DGKB: variants seen among roughly 807,000 people sequenced by gnomAD.
DGKB encodes the protein diacylglycerol kinase beta.
In DGKB, 67 loss-of-function variants were observed where a neutral mutation model predicts 114.3. That is an observed-to-expected ratio of 0.59 (90% CI 0.48 to 0.72). The LOEUF is 0.72. Among genes scored for constraint, DGKB ranks in the 30% least tolerant of loss-of-function variants. DGKB has a pLI of 0.00. For missense variants in DGKB, 907 were observed against 975.2 expected (o/e 0.93, Z 0.93); for synonymous variants, 398 against 323.1 (o/e 1.23, Z -2.49).
intron 1 of DGKB, among the ~76,000 whole-genome samples, chr7:14,853,653 G>T (rs551635080): frequency 1.3e-5 from 2 of 151,562 alleles, no homozygotes; most frequent in Non-Finnish European, 2.9e-5. Context: ...TCAGGACATC[G>T]AGACCATCCT....
chr7:14,522,471 C>T (rs977520321), intron 20 of DGKB, among the ~76,000 whole-genome samples: 9 of 152,154 alleles, frequency 5.9e-5, no homozygotes, highest in East Asian at 1.9e-4. Context: ...CTCATACTAA[C>T]GAAATTGCCA....
chr7:14,618,718 T>C (rs957819718), intron 15 of DGKB, among the ~76,000 whole-genome samples: 5 of 151,518 alleles, frequency 3.3e-5, no homozygotes, highest in African/African-American at 4.8e-5. Flanking sequence ...GATCTATTAC[T>C]TCCTCTAATT....
At chr7:14,651,202 A>T (rs1321171091) in intron 13 of DGKB, among the ~76,000 whole-genome samples, 1 of 152,174 alleles carries the variant, frequency 6.6e-6, no homozygotes, top group Non-Finnish European at 1.5e-5. Context: ...AAAAAAAGAG[A>T]ATTTTAGACC....
intron 21 of DGKB, among the ~76,000 whole-genome samples, chr7:14,350,640 T>A (rs1253021004): frequency 6.6e-6 from 1 of 151,572 alleles, no homozygotes; most frequent in Non-Finnish European, 1.5e-5. Context: ...TTATTTTTCA[T>A]GTATTTAGTG....
chr7:14,538,942 T>C (rs1333050706), intron 20 of DGKB, among the ~76,000 whole-genome samples: 3 of 152,024 alleles, frequency 2.0e-5, no homozygotes, highest in Non-Finnish European at 2.9e-5. Context: ...TGTATAGAAA[T>C]AGATAGTAAA....
chr7:14,404,335 CT>C (rs1451824256), intron 21 of DGKB, among the ~76,000 whole-genome samples: 53 of 151,622 alleles, frequency 3.5e-4, no homozygotes, highest in Middle Eastern at 3.4e-3. Flanking sequence ...TTATCATGAC[CT>C]TTTTTTTATT....
chr7:14,455,412 T>G (rs532772367), intron 21 of DGKB, among the ~76,000 whole-genome samples: 1 of 152,138 alleles, frequency 6.6e-6, no homozygotes, highest in Admixed American at 6.6e-5. Flanking sequence ...TTTTGCATAT[T>G]ATCAACAAAA....
chr7:14,848,864 G>T (rs1586896974), intron 1 of DGKB, among the ~76,000 whole-genome samples: 1 of 152,040 alleles, frequency 6.6e-6, no homozygotes, highest in South Asian at 2.1e-4. Context: ...CTGCACTGTG[G>T]TCTGAGGCTA....
intron 1 of DGKB, among the ~76,000 whole-genome samples, chr7:14,970,037 C>T (rs896049077): frequency 5.9e-5 from 9 of 152,172 alleles, no homozygotes; most frequent in African/African-American, 2.2e-4. Context: ...CATTATGTGG[C>T]ATGTGACTGT....
chr7:14,683,418 G>A (rs973460877), intron 10 of DGKB, among the ~76,000 whole-genome samples: 3 of 152,014 alleles, frequency 2.0e-5, no homozygotes, highest in Admixed American at 6.6e-5. Flanking sequence ...TTTGCTGGGC[G>A]GCATATTGTA....
intron 2 of DGKB, among the ~76,000 whole-genome samples, chr7:14,769,377 G>C (rs1012243388): frequency 6.6e-6 from 1 of 152,034 alleles, no homozygotes; most frequent in African/African-American, 2.4e-5. Flanking sequence ...TCAAAGAAGA[G>C]CAGTTGCAAT....
intron 21 of DGKB, among the ~76,000 whole-genome samples, chr7:14,356,763 G>A (rs568309317): frequency 3.5e-4 from 53 of 152,144 alleles, no homozygotes; most frequent in Non-Finnish European, 6.5e-4. Context: ...TCTACACACT[G>A]CTTTAAATGT....
intron 17 of DGKB, among the ~76,000 whole-genome samples, chr7:14,606,254 C>A (rs932098330): frequency 2.6e-5 from 4 of 151,996 alleles, no homozygotes; most frequent in Non-Finnish European, 4.4e-5. Context: ...AGCCAACAGT[C>A]TGATCATGAT....
chr7:14,919,123 C>A (rs544192094), intron 1 of DGKB, among the ~76,000 whole-genome samples: 1 of 149,554 alleles, frequency 6.7e-6, no homozygotes, highest in Non-Finnish European at 1.5e-5. Flanking sequence ...CACACACACA[C>A]AAAGTTTATA....
At chr7:14,324,389 C>T (rs61602733) in intron 23 of DGKB, among the ~76,000 whole-genome samples, 1 of 147,510 alleles carries the variant, frequency 6.8e-6, no homozygotes, top group Non-Finnish European at 1.5e-5. Context: ...AGAGTTTGTA[C>T]TGAGCCAAGA....
At chr7:14,620,795 T>C (rs1807487069) in intron 15 of DGKB, among the ~76,000 whole-genome samples, 1 of 151,932 alleles carries the variant, frequency 6.6e-6, no homozygotes, top group East Asian at 1.9e-4. Context: ...AACTTACACG[T>C]TTTTATATAA....
chr7:14,167,353 G>A lies in DGKB; in HGVS notation c.2304+9486C>T, dbSNP rs184387722. On this transcript the variant is annotated intron_variant, in intron 25 of 25. Coordinates refer to ENST00000402815, the MANE Select transcript of DGKB (RefSeq NM_001350709.2). Reference sequence around the variant, plus strand: ...AAAGTATGTTCCCAAAGCATGGGGGGAGTCCTACTCCTTTTTTCTCTCTCT... The same window carrying A: ...AAAGTATGTTCCCAAAGCATGGGGGAAGTCCTACTCCTTTTTTCTCTCTCT... Among the ~76,000 whole-genome samples, 25 of 152,200 alleles carry A rather than the reference G, an allele frequency of 1.6e-4. No individual in the cohort carries two copies. The East Asian group carries it at 4.8e-3, about 29-fold the overall frequency.
In DGKB at chr7:14,863,461, T is replaced by G. The variant is rs557401604; in HGVS notation, c.-187-22011A>C. The stretch of plus-strand genomic sequence containing the variant: ...ATTTCCCAATACACTATTTGGAAAA[T>G]TTCATCTTTATATTAATTCTAAACC... On this transcript the variant is annotated intron_variant, in intron 1 of 25. Coordinates refer to ENST00000402815, the MANE Select transcript of DGKB (RefSeq NM_001350709.2). Among the ~76,000 whole-genome samples, 7 of 151,824 alleles carry G rather than the reference T, an allele frequency of 4.6e-5. No homozygotes were observed. The South Asian group carries it at 1.5e-3, about 32-fold the overall frequency.
intron 21 of DGKB, among the ~76,000 whole-genome samples, chr7:14,473,833 A>C (rs1781777891): frequency 6.6e-6 from 1 of 152,182 alleles, no homozygotes; most frequent in Middle Eastern, 3.2e-3. Flanking sequence ...GTGTGGGGGC[A>C]TGTAGCCCCT....
Sources: gnomAD v4.1 joint callset for allele counts (sites outside exome capture counted in the v4.1 genomes callset) on GRCh38, gnomAD v4.1.1 for gene constraint, MANE v1.5 for transcripts, NCBI Gene and HGNC (gene_info 2026-07-23, HGNC 2026-07-21) for gene names.